Variants in SLC67A1 observed in about 807,000 individuals in gnomAD.
The protein encoded by SLC67A1 is solute carrier family 67 member A1.
chr11:2,901,266 A>T, the SLC67A1 span, among the ~76,000 whole-genome samples: 8 of 152,216 alleles, frequency 5.3e-5, no homozygotes, highest in Non-Finnish European at 1.2e-4. Context: ...TCCCACGGTG[A>T]CTTGGAATGG....
chr11:2,900,772 C>T, the SLC67A1 span, among the ~76,000 whole-genome samples: 1 of 150,518 alleles, frequency 6.6e-6, no homozygotes, highest in Admixed American at 6.6e-5. Flanking sequence ...TATGGACATC[C>T]ATGCGGGAAC....
At chr11:2,913,941 GGT>G in the SLC67A1 span, among the ~76,000 whole-genome samples, 8 of 152,376 alleles carry the variant, frequency 5.3e-5, no homozygotes, top group Non-Finnish European at 7.3e-5. Context: ...GGCAGCCTCA[GGT>G]GTGGGCTGCG....
At chr11:2,901,134 C>G in the SLC67A1 span, among the ~76,000 whole-genome samples, 1 of 152,156 alleles carries the variant, frequency 6.6e-6, no homozygotes, top group South Asian at 2.1e-4. Flanking sequence ...GACAGGAGAG[C>G]AAGAGAAGGT....
At chr11:2,911,468 C>G in the SLC67A1 span, among the ~76,000 whole-genome samples, 1 of 152,048 alleles carries the variant, frequency 6.6e-6, no homozygotes, top group Non-Finnish European at 1.5e-5. Flanking sequence ...CCGGCACCAC[C>G]CAGGGCCTGT....
the SLC67A1 span, chr11:2,918,035 C>T: frequency 6.2e-7 from 1 of 1,613,628 alleles, no homozygotes; most frequent in Non-Finnish European, 8.5e-7. Context: ...CGCCTCCCTG[C>T]TGCGGCTGCC....
At chr11:2,899,858 C>T in the SLC67A1 span, 2 of 747,374 alleles carry the variant, frequency 2.7e-6, no homozygotes. Flanking sequence ...CCCTCAGCCT[C>T]CCTCGCACAC....
At chr11:2,912,899 G>A in the SLC67A1 span, among the ~76,000 whole-genome samples, 6 of 152,214 alleles carry the variant, frequency 3.9e-5, no homozygotes, top group South Asian at 2.1e-4. Flanking sequence ...GGGCCATGCC[G>A]GTGCCATGGG....
At chr11:2,922,303 G>T in the SLC67A1 span, 1 of 1,503,744 alleles carries the variant, frequency 6.7e-7, no homozygotes, top group Non-Finnish European at 9.2e-7. Context: ...GACTCCTCCA[G>T]CCCCCCACAC....
the SLC67A1 span, chr11:2,917,007 A>G: frequency 1.9e-6 from 1 of 524,866 alleles, no homozygotes. Context: ...TTAGGAGGGG[A>G]GGCCCAGACA....
the SLC67A1 span, chr11:2,903,864 A>AC: frequency 4.6e-6 from 1 of 216,742 alleles, no homozygotes; most frequent in Admixed American, 5.3e-5. Context: ...TGGGCGGATC[A>AC]CCCCTCAGAG....
At chr11:2,917,613 G>C in the SLC67A1 span, among the ~76,000 whole-genome samples, 1 of 152,226 alleles carries the variant, frequency 6.6e-6, no homozygotes, top group Admixed American at 6.5e-5. Context: ...GTCATGCTCT[G>C]CCCCAGGCCC....
the SLC67A1 span, among the ~76,000 whole-genome samples, chr11:2,906,090 CT>C: frequency 2.0e-5 from 3 of 152,230 alleles, no homozygotes; most frequent in Admixed American, 6.5e-5. Context: ...AAAAGAAGAC[CT>C]TTATGCAGCC....
At chr11:2,908,156 T>C in the SLC67A1 span, 1 of 597,756 alleles carries the variant, frequency 1.7e-6, no homozygotes, top group South Asian at 1.4e-5. Flanking sequence ...TCCCACCCCC[T>C]GCCCATCCAG....
chr11:2,910,207 G>T, the SLC67A1 span, among the ~76,000 whole-genome samples: 1 of 152,176 alleles, frequency 6.6e-6, no homozygotes, highest in Non-Finnish European at 1.5e-5. Context: ...ACTGATGGCT[G>T]CTGATGGCTG....
chr11:2,909,878 C>T, the SLC67A1 span: 1 of 713,276 alleles, frequency 1.4e-6, no homozygotes, highest in South Asian at 2.2e-5. Flanking sequence ...CTAGGCCTGA[C>T]CTCCCGGGCT....
chr11:2,911,777 C>T, the SLC67A1 span, among the ~76,000 whole-genome samples: 1 of 152,190 alleles, frequency 6.6e-6, no homozygotes, highest in Non-Finnish European at 1.5e-5. Flanking sequence ...ATGCCTCCTG[C>T]AGGCCCGTCT....
the SLC67A1 span, chr11:2,909,198 T>C: frequency 6.6e-7 from 1 of 1,526,386 alleles, no homozygotes; most frequent in African/African-American, 1.4e-5. Context: ...GCCCCCAGGT[T>C]CGCAGACCAG....
At chr11:2,909,075 G>A in the SLC67A1 span, 1 of 876,336 alleles carries the variant, frequency 1.1e-6, no homozygotes, top group Non-Finnish European at 1.6e-6. Context: ...AGGCGCCCCC[G>A]CCCTCCATCC....
the SLC67A1 span, chr11:2,914,693 C>T: frequency 2.1e-4 from 209 of 985,214 alleles, no homozygotes; most frequent in Non-Finnish European, 2.5e-4. Context: ...CCTTGCTTGT[C>T]ACCAGCCTCC....
Sources: allele counts gnomAD v4.1 joint callset (sites outside exome capture counted in the v4.1 genomes callset), GRCh38; gene constraint gnomAD v4.1.1; transcripts MANE v1.5; gene names NCBI Gene and HGNC (gene_info 2026-07-23, HGNC 2026-07-21).